The following TSPAN15 variants were observed in gnomAD, a reference collection of about 807,000 sequenced individuals.
TSPAN15 encodes tetraspanin 15.
A neutral mutation model predicts 34.5 loss-of-function variants in TSPAN15; 20 were observed. The observed-to-expected ratio is 0.58, with a 90% CI of 0.41 to 0.84. The LOEUF is 0.84. TSPAN15 is among the 40% of genes least tolerant of loss of function. The pLI is 0.00. For synonymous variants in TSPAN15, 155 were observed against 153.9 expected (o/e 1.01, Z -0.05); for missense variants, 313 against 386.1 (o/e 0.81, Z 1.59).
At chr10:69,512,735 GATTC>G in the TSPAN15 span, among the ~76,000 whole-genome samples, 1 of 152,218 alleles carries the variant, frequency 6.6e-6, no homozygotes. Context: ...ATCATTTTAA[GATTC>G]ATTCATTTTG....
chr10:69,508,606 G>T (rs1260386516), downstream of TSPAN15, among the ~76,000 whole-genome samples: 8 of 152,136 alleles, frequency 5.3e-5, no homozygotes, highest in Non-Finnish European at 8.8e-5. Flanking sequence ...AGGGGCAGGA[G>T]GAGGGTATTT....
At chr10:69,504,298 C>A in intron 5 of TSPAN15, 140 bp from the exon 6 acceptor site, 1 of 662,280 alleles carries the variant, frequency 1.5e-6, no homozygotes, top group Non-Finnish European at 2.5e-6. Flanking sequence ...GCCAGACTGC[C>A]TGGGTCGGAA....
At chr10:69,523,134 A>G in the TSPAN15 span, among the ~76,000 whole-genome samples, 688 of 148,038 alleles carry the variant, frequency 4.6e-3, 192 homozygotes, top group East Asian at 0.15. Flanking sequence ...TGTTCTTTGC[A>G]TGTGGATATC....
rs181590282 is a variant in TSPAN15, at chr10:69,464,717, C to T, written c.96+13027C>T. 3.3e-4 allele frequency among the ~76,000 whole-genome samples: 50 copies of T among 152,238 alleles called. 1 individual carries two copies. The East Asian group carries it at 8.5e-3, about 26-fold the overall frequency. ...TCCAGTGGGTTGAACTTTGAGGGGC[C>T]GTAGAGGGCATCTAGTGTTACCCCT... is the stretch of plus-strand genomic sequence containing the variant. On this transcript the variant is annotated intron_variant, in intron 1 of 7. Transcript: ENST00000373290.
chr10:69,528,690 A>C, the TSPAN15 span, among the ~76,000 whole-genome samples: 1 of 148,534 alleles, frequency 6.7e-6, no homozygotes, highest in Non-Finnish European at 1.5e-5. Context: ...AGCTCACAGA[A>C]GCCCCACAGA....
chr10:69,465,706 C>T (rs890435961), intron 1 of TSPAN15, among the ~76,000 whole-genome samples: 1 of 152,112 alleles, frequency 6.6e-6, no homozygotes, highest in Non-Finnish European at 1.5e-5. Context: ...GCCTCTCTCT[C>T]TCGGCAGACT....
intron 3 of TSPAN15, chr10:69,494,526 C>A: frequency 5.2e-6 from 3 of 576,540 alleles, no homozygotes; most frequent in Non-Finnish European, 6.6e-6. Flanking sequence ...GGGAGGTGTC[C>A]TTGATTATGA....
chr10:69,539,490 GAA>G, the TSPAN15 span, among the ~76,000 whole-genome samples: 4 of 60,744 alleles, frequency 6.6e-5, no homozygotes, highest in Non-Finnish European at 1.0e-4. Context: ...AGGAGAAGAA[GAA>G]GAAGAAGAAG....
At chr10:69,531,152 C>A in the TSPAN15 span, among the ~76,000 whole-genome samples, 1 of 146,630 alleles carries the variant, frequency 6.8e-6, no homozygotes, top group Non-Finnish European at 1.5e-5. Flanking sequence ...GAAATCTAAG[C>A]AAGCAAGCCA....
intron 1 of TSPAN15, among the ~76,000 whole-genome samples, chr10:69,477,292 A>G (rs113369349): frequency 0.062 from 9,411 of 151,912 alleles, 1,007 homozygotes; most frequent in African/African-American, 0.22. Context: ...ACGCCACCAC[A>G]CCCAGCTAAT....
intron 1 of TSPAN15, among the ~76,000 whole-genome samples, chr10:69,474,610 G>A (rs1841576232): frequency 1.3e-5 from 2 of 152,096 alleles, no homozygotes; most frequent in African/African-American, 4.8e-5. Flanking sequence ...GAGGGACACA[G>A]TCCTGGCCAG....
At chr10:69,480,255 G>A (rs1477494283) in intron 1 of TSPAN15, among the ~76,000 whole-genome samples, 1 of 152,166 alleles carries the variant, frequency 6.6e-6, no homozygotes, top group East Asian at 1.9e-4. Flanking sequence ...GTCTCAGGCA[G>A]GAAGGAGGAA....
the TSPAN15 span, among the ~76,000 whole-genome samples, chr10:69,517,680 C>T: frequency 9.8e-5 from 15 of 152,302 alleles, no homozygotes; most frequent in South Asian, 4.1e-4. Flanking sequence ...GACTCACACC[C>T]GGAGGGGAAC....
rs545034928 is a variant in TSPAN15 at position 69,502,306 on chromosome 10, G to A, written c.571-2132G>A. On this transcript the variant is annotated intron_variant, in intron 5 of 7. Transcript: ENST00000373290. Reference sequence around the variant, plus strand: ...CGGAGATGTTGGTGCAGAGGGCAGCGTGCTTCTACATTAAATGGCTCCAGA... The same window carrying A: ...CGGAGATGTTGGTGCAGAGGGCAGCATGCTTCTACATTAAATGGCTCCAGA... 5.3e-5 allele frequency among the ~76,000 whole-genome samples: 8 copies of A among 152,306 alleles called. No individual in the cohort carries two copies. The South Asian group carries it at 1.2e-3, about 24-fold the overall frequency.
intron 3 of TSPAN15, among the ~76,000 whole-genome samples, chr10:69,486,377 T>A (rs1841853985): frequency 6.6e-6 from 1 of 152,224 alleles, no homozygotes; most frequent in African/African-American, 2.4e-5. Context: ...CTGGTGCATC[T>A]GGACAGTTGC....
the TSPAN15 span, among the ~76,000 whole-genome samples, chr10:69,516,002 A>G: frequency 6.6e-6 from 1 of 152,220 alleles, no homozygotes; most frequent in South Asian, 2.1e-4. Context: ...GGTGCTCAAT[A>G]AATAATTATT....
Position 69,506,156 on chromosome 10 carries a change from G to A in TSPAN15, c.651G>A (p.Arg217=). 1 of 1,614,202 alleles carries A rather than the reference G, an allele frequency of 6.2e-7. No homozygotes were observed. The highest frequency in any genetic ancestry group is 8.5e-7 in the Non-Finnish European group (1 of 1,180,022). The stretch of plus-strand genomic sequence containing the variant: ...GTGTGCAGGATGTCATCTACGTGCG[G>A]GGCTGCACCAACGCCGTGATCATCT... The part of the protein sequence containing the change: ...RFSVQDVIYV[R]GCTNAVIIWF... Residue 217 remains arginine, a synonymous_variant, in exon 7 of 8, where the codon CGG becomes CGA. Transcript: ENST00000373290. This position sits in a 1 kb window ranked among gnomAD's most constrained non-coding sequence, Gnocchi z 4.7.
At chr10:69,539,422 GA>G in the TSPAN15 span, among the ~76,000 whole-genome samples, 86 of 139,100 alleles carry the variant, frequency 6.2e-4, 1 homozygote, top group East Asian at 1.5e-3. Flanking sequence ...AGAGGAAGAA[GA>G]AGAAAGAAGA....
intron 3 of TSPAN15, chr10:69,494,657 G>T: frequency 5.0e-5 from 49 of 985,436 alleles, no homozygotes; most frequent in Non-Finnish European, 5.8e-5. Context: ...GAAGTAAGCC[G>T]CGATGGGGCC....
Sources: allele counts gnomAD v4.1 joint callset (sites outside exome capture counted in the v4.1 genomes callset), GRCh38; gene constraint gnomAD v4.1.1; non-coding constraint Gnocchi (gnomAD v3.1); transcripts MANE v1.5; gene names NCBI Gene and HGNC (gene_info 2026-07-23, HGNC 2026-07-21).